Variants in MCEE observed in about 807,000 individuals in gnomAD.
MCEE encodes methylmalonyl-CoA epimerase, mitochondrial.
Under a neutral mutation model 12.9 loss-of-function variants are expected in MCEE, and 6 were observed. The ratio of observed to expected loss-of-function variants is 0.47; its 90% confidence interval spans 0.26 to 0.92. MCEE has a LOEUF of 0.92. Among genes scored for constraint, MCEE ranks in the 40% least tolerant of loss-of-function variants. The pLI, the probability that MCEE is intolerant of heterozygous loss-of-function variation, is 0.16. For synonymous variants in MCEE, 78 were observed against 77.9 expected, an observed-to-expected ratio of 1.00 and a Z score of -0.01; for missense variants, 214 against 212.1, an observed-to-expected ratio of 1.01 and a Z score of -0.05.
At position 71,112,972 on chromosome 2, in the gene MCEE, C is replaced by G. The variant is rs552421817; in HGVS notation, c.379-2850G>C. ...TTTCTTTTTCTTCCATATTTTTTAC[C>G]TCTTGATTTTGGAATTCTAGTTTCT... On this transcript the variant is annotated intron_variant, in intron 2 of 2. Transcript: ENST00000244217. Among the ~76,000 whole-genome samples, 4 of 152,110 alleles carry G rather than the reference C, an allele frequency of 2.6e-5. No individual in the cohort carries two copies. The South Asian group carries it at 8.3e-4, about 32-fold the overall frequency.
chr2:71,127,460 A>T (rs1433845259), intron 1 of MCEE, among the ~76,000 whole-genome samples: 1 of 152,248 alleles, frequency 6.6e-6, no homozygotes, highest in African/African-American at 2.4e-5. Flanking sequence ...TATAAAAGTG[A>T]ATAATCACTT....
chr2:71,117,896 A>G (rs1449619212), intron 2 of MCEE, among the ~76,000 whole-genome samples: 1 of 149,508 alleles, frequency 6.7e-6, no homozygotes, highest in Non-Finnish European at 1.5e-5. Flanking sequence ...CCTCAGCCTC[A>G]GCACTGCACT....
rs763397000 is a variant in MCEE at position 71,128,002 on chromosome 2, CT to C, written c.40+2177del. Among the ~76,000 whole-genome samples the C allele has an allele frequency of 1.3e-3, 192 of 152,192 alleles. 1 individual carries two copies. The highest frequency in any genetic ancestry group is 7.1e-4 in the Non-Finnish European group (48 of 68,038). ...TTTAGAAAGTCATTCATTAGAAGTG[CT>C]TTCAAGTTAGTCTGGTAAGTTTTCT... On this transcript the variant is annotated intron_variant, in intron 1 of 2. Transcript: ENST00000244217.
At chr2:71,110,177 T>C (rs1046474391) in intron 2 of MCEE, 55 bp from the exon 3 acceptor site, 6 of 1,522,836 alleles carry the variant, frequency 3.9e-6, no homozygotes, top group African/African-American at 2.7e-5. Flanking sequence ...TACCAACTTA[T>C]AGTATCATAA....
At chr2:71,129,897 C>G in intron 1 of MCEE, 1 of 561,966 alleles carries the variant, frequency 1.8e-6, no homozygotes, top group South Asian at 2.0e-5. Flanking sequence ...ACCTGCCGGG[C>G]AAGTTCCCTC....
chr2:71,113,180 G>T (rs1280478596), intron 2 of MCEE, among the ~76,000 whole-genome samples: 1 of 152,152 alleles, frequency 6.6e-6, no homozygotes, highest in Non-Finnish European at 1.5e-5. Context: ...AGGCTAGTGT[G>T]GTCTATGTGG....
rs1348829154 is a variant in MCEE at position 71,119,660 on chromosome 2, T to A, written c.378+4546A>T. Among the ~76,000 whole-genome samples the A allele has an allele frequency of 2.0e-5, 3 of 150,398 alleles. 1 individual carries two copies. The highest frequency in any genetic ancestry group is 7.5e-5 in the African/African-American group (3 of 39,742). ...GCAAGCTCTGGGTAGACAGGAACTT[T>A]CTGCTTGTTCAGCCACATATCCCCA... On this transcript the variant is annotated intron_variant, in intron 2 of 2. Coordinates refer to ENST00000244217, the MANE Select transcript of MCEE (RefSeq NM_032601.4).
intron 1 of MCEE, 91 bp from the exon 2 acceptor site, chr2:71,124,634 A>C (rs1490316632): frequency 1.1e-6 from 1 of 944,134 alleles, no homozygotes. Context: ...AATGCATGCA[A>C]AAATTCATTA....
chr2:71,121,430 C>G (rs1199039932), intron 2 of MCEE, among the ~76,000 whole-genome samples: 2 of 152,134 alleles, frequency 1.3e-5, no homozygotes, highest in African/African-American at 2.4e-5. Context: ...TGTTAAGCCA[C>G]TTAATTTTTT....
At chr2:71,129,666 T>C (rs1333953732) in intron 1 of MCEE, 1 of 175,240 alleles carries the variant, frequency 5.7e-6, no homozygotes, top group Non-Finnish European at 1.2e-5. Flanking sequence ...GCGATAAATA[T>C]ATTAGTGCAC....
intron 2 of MCEE, among the ~76,000 whole-genome samples, chr2:71,111,481 T>C (rs541557805): frequency 1.4e-4 from 21 of 152,152 alleles, no homozygotes; most frequent in Non-Finnish European, 2.8e-4. Flanking sequence ...CCAAAGCCCT[T>C]CTGAGTACTC....
At position 71,121,581 on chromosome 2, in the gene MCEE, T is replaced by A. The variant is rs149250803; in HGVS notation, c.378+2625A>T. On this transcript the variant is annotated intron_variant, in intron 2 of 2. Transcript: ENST00000244217. ...CCCCCTTATAATCTCTGCTTTTGAA[T>A]CTGCCATTACTGAACTTCCACTATT... Among the ~76,000 whole-genome samples, 786 of 152,294 alleles carry A rather than the reference T, an allele frequency of 5.2e-3. 13 individuals are homozygous for A. Among genetic ancestry groups the A allele is most frequent in the African/African-American group, 0.018 (754 of 41,568 alleles).
chr2:71,129,262 T>C (rs1024403442), intron 1 of MCEE, among the ~76,000 whole-genome samples: 2 of 152,142 alleles, frequency 1.3e-5, no homozygotes, highest in South Asian at 2.1e-4. Context: ...GTTCTAAAAA[T>C]AGACATAAAA....
chr2:71,114,518 A>G (rs1263404726), intron 2 of MCEE, among the ~76,000 whole-genome samples: 1 of 152,256 alleles, frequency 6.6e-6, no homozygotes, highest in Non-Finnish European at 1.5e-5. Context: ...TAAGATGTTC[A>G]TAATTTTTTT....
At chr2:71,127,716 T>C (rs1400484222) in intron 1 of MCEE, among the ~76,000 whole-genome samples, 1 of 152,230 alleles carries the variant, frequency 6.6e-6, no homozygotes, top group Non-Finnish European at 1.5e-5. Flanking sequence ...AACCTCTGCT[T>C]CCCAGGTTCA....
chr2:71,125,211 A>ATATATATATT, intron 1 of MCEE, among the ~76,000 whole-genome samples: 1 of 48,594 alleles, frequency 2.1e-5, no homozygotes, highest in Non-Finnish European at 4.4e-5. Flanking sequence ...ATATATATAT[A>ATATATATATT]TTTTTTTTTT....
chr2:71,125,211 A>ATATATATATTTTT, intron 1 of MCEE, among the ~76,000 whole-genome samples: 11 of 48,610 alleles, frequency 2.3e-4, no homozygotes, highest in East Asian at 8.2e-4. Flanking sequence ...ATATATATAT[A>ATATATATATTTTT]TTTTTTTTTT....
At chr2:71,125,202 T>A (rs1262979296) in intron 1 of MCEE, among the ~76,000 whole-genome samples, 1 of 60,464 alleles carries the variant, frequency 1.7e-5, no homozygotes, top group African/African-American at 7.8e-5. Context: ...TATATATATA[T>A]ATATATATAT....
intron 2 of MCEE, among the ~76,000 whole-genome samples, chr2:71,118,790 G>C (rs138486135): frequency 6.7e-6 from 1 of 150,200 alleles, no homozygotes; most frequent in East Asian, 1.9e-4. Flanking sequence ...GGGGACATAA[G>C]CATTTAGTTC....
Sources: gnomAD v4.1 joint callset for allele counts (sites outside exome capture counted in the v4.1 genomes callset) on GRCh38, gnomAD v4.1.1 for gene constraint, MANE v1.5 for transcripts, NCBI Gene and HGNC (gene_info 2026-07-23, HGNC 2026-07-21) for gene names.